Variants in PDE7A observed in about 807,000 individuals in gnomAD.
PDE7A encodes the protein high affinity 3',5'-cyclic-AMP phosphodiesterase 7A.
In PDE7A, 39 loss-of-function variants were observed where a neutral mutation model predicts 64.3. The observed-to-expected ratio is 0.61, with a 90% CI of 0.47 to 0.79. The LOEUF (loss-of-function observed/expected upper bound fraction) is 0.79. PDE7A is among the 30% of genes least tolerant of loss of function. The pLI is 0.00. For synonymous variants in PDE7A, 203 were observed against 206.8 expected (o/e 0.98, Z 0.16); for missense variants, 470 against 582.8 (o/e 0.81, Z 1.99).
At chr8:65,817,795 C>T (rs1157213694) in intron 1 of PDE7A, among the ~76,000 whole-genome samples, 4 of 148,944 alleles carry the variant, frequency 2.7e-5, no homozygotes, top group African/African-American at 9.9e-5. Flanking sequence ...CTCTGTCGCC[C>T]AGGCTGGAGT....
chr8:65,763,340 T>TG (rs1808605262), intron 3 of PDE7A, among the ~76,000 whole-genome samples: 1 of 151,500 alleles, frequency 6.6e-6, no homozygotes, highest in Non-Finnish European at 1.5e-5. Flanking sequence ...CTGAGGCGGG[T>TG]GGATCACCTG....
At chr8:65,816,085 G>C (rs1008039741) in intron 1 of PDE7A, among the ~76,000 whole-genome samples, 6 of 151,864 alleles carry the variant, frequency 4.0e-5, no homozygotes, top group Non-Finnish European at 8.8e-5. Flanking sequence ...ATGTTAACAT[G>C]TAATTGGTAT....
chr8:65,793,687 G>A (rs2128926570), intron 1 of PDE7A, among the ~76,000 whole-genome samples: 1 of 152,240 alleles, frequency 6.6e-6, no homozygotes, highest in Middle Eastern at 3.4e-3. Flanking sequence ...TGTCGACAGG[G>A]ATACAATATA....
intron 1 of PDE7A, among the ~76,000 whole-genome samples, chr8:65,821,798 T>C (rs1810547876): frequency 6.6e-6 from 1 of 152,252 alleles, no homozygotes; most frequent in Non-Finnish European, 1.5e-5. Flanking sequence ...TTTCTAATTT[T>C]GATTACATGT....
In PDE7A at chr8:65,734,772, G is replaced by A. The variant is rs200046342; in HGVS notation, c.696+22C>T. The A allele has an allele frequency of 3.7e-5, 50 of 1,336,330 alleles. No homozygotes were observed. In the African/African-American group the frequency reaches 6.3e-4, roughly 17 times the overall value. The allele number at this position is 1,336,330 out of a possible 1,614,324, so 82.8% of individuals were successfully genotyped here. Reference sequence around the variant, plus strand: ...AGGAATTTTCTTATGATTTTCACCTGAAATCAATGTCAACCTCTTACCTTA... The same window carrying A: ...AGGAATTTTCTTATGATTTTCACCTAAAATCAATGTCAACCTCTTACCTTA... On this transcript the variant is annotated intron_variant, in intron 7 of 12. Coordinates refer to ENST00000401827, the MANE Select transcript of PDE7A (RefSeq NM_001242318.3).
chr8:65,747,619 AAATT>A, intron 4 of PDE7A, 29 bp downstream of exon 4: 1 of 1,451,574 alleles, frequency 6.9e-7, no homozygotes, highest in Non-Finnish European at 9.5e-7. Context: ...ACTTATCAAA[AAATT>A]AATGTTTTCT....
chr8:65,719,646 A>C, intron 12 of PDE7A, 151 bp from the exon 13 acceptor site: 3 of 621,364 alleles, frequency 4.8e-6, no homozygotes, highest in Non-Finnish European at 8.5e-6. Context: ...TAGGTGACAG[A>C]GTCTGTAATG....
chr8:65,734,658 G>A (rs1807047410), intron 7 of PDE7A, 136 bp downstream of exon 7: 1 of 583,912 alleles, frequency 1.7e-6, no homozygotes, highest in South Asian at 2.4e-5. Flanking sequence ...TCAGAAACTT[G>A]ATCCAGCTAG....
chr8:65,808,745 G>C (rs923915309), intron 1 of PDE7A, among the ~76,000 whole-genome samples: 7 of 152,138 alleles, frequency 4.6e-5, no homozygotes, highest in Middle Eastern at 3.2e-3. Context: ...ATTTTTGTCC[G>C]TGAGCACAAG....
chr8:65,822,671 G>A (rs1810571393), intron 1 of PDE7A, among the ~76,000 whole-genome samples: 1 of 152,190 alleles, frequency 6.6e-6, no homozygotes, highest in Admixed American at 6.5e-5. Flanking sequence ...TGAAACCAGA[G>A]TTGGTTAATA....
chr8:65,837,012 C>A (rs945118988), intron 1 of PDE7A, among the ~76,000 whole-genome samples: 1 of 152,178 alleles, frequency 6.6e-6, no homozygotes, highest in African/African-American at 2.4e-5. Flanking sequence ...CTGATTTAAA[C>A]CAGAAATTTA....
At chr8:65,821,234 T>A (rs1810534745) in intron 1 of PDE7A, among the ~76,000 whole-genome samples, 1 of 151,962 alleles carries the variant, frequency 6.6e-6, no homozygotes, top group Non-Finnish European at 1.5e-5. Flanking sequence ...AAATAATGCC[T>A]CAATGCAAGG....
intron 1 of PDE7A, among the ~76,000 whole-genome samples, chr8:65,841,050 A>G (rs1174648761): frequency 6.6e-6 from 1 of 152,228 alleles, no homozygotes; most frequent in African/African-American, 2.4e-5. Context: ...TAAGGAATAA[A>G]GACTCAACTT....
chr8:65,780,363 T>C (rs1038302014), intron 2 of PDE7A, among the ~76,000 whole-genome samples: 1 of 152,200 alleles, frequency 6.6e-6, no homozygotes, highest in Non-Finnish European at 1.5e-5. Context: ...GTTAAAGACT[T>C]TGTTTTAAAG....
At chr8:65,793,463 A>T (rs937983244) in intron 1 of PDE7A, among the ~76,000 whole-genome samples, 1 of 147,056 alleles carries the variant, frequency 6.8e-6, no homozygotes, top group South Asian at 2.1e-4. Context: ...AAAACAATGA[A>T]AATAAGTTTT....
Position 65,723,640 on chromosome 8 carries a change from G to T in PDE7A, c.1163-19C>A. The T allele has an allele frequency of 6.7e-7, 1 of 1,487,038 alleles. No individual in the cohort carries two copies. The highest frequency in any genetic ancestry group is 9.1e-7 in the Non-Finnish European group (1 of 1,104,682). The allele number at this position is 1,487,038 out of a possible 1,614,324, so 92.1% of individuals were successfully genotyped here. On this transcript the variant is annotated intron_variant, in intron 11 of 12. Coordinates refer to ENST00000401827, the MANE Select transcript of PDE7A (RefSeq NM_001242318.3). ...ATATCTCCTATAAATTAAAAAAAGA[G>T]AAGTATTAATATGAAGAATATCTAT...
Position 65,724,340 on chromosome 8 carries a change from T to C in PDE7A, c.1077A>G (p.Lys359=). 1 of 1,611,356 alleles carries C rather than the reference T, an allele frequency of 6.2e-7. No homozygotes were observed. The highest frequency in any genetic ancestry group is 8.5e-7 in the Non-Finnish European group (1 of 1,177,896). The change falls in exon 11 of 13, where the codon AAA becomes AAG. Residue 359 remains lysine, a synonymous_variant. Transcript: ENST00000401827. ...GACATGGGTTACAAATATCAGCACA[T>C]TTCAAAGCCATCTAGCAAACAAAAC... is the stretch of plus-strand genomic sequence containing the variant. ...HRHLVLQMAL[K]CADICNPCRT...
Position 65,716,237 on chromosome 8 carries a change from G to A in PDE7A, c.*3053C>T, listed in dbSNP as rs1254059266. Reference sequence around the variant, plus strand: ...TTTCAATGGGTTTATTATATGTGTAGGCAGGAAATGGGAGCCACACCCACA... The same window carrying A: ...TTTCAATGGGTTTATTATATGTGTAAGCAGGAAATGGGAGCCACACCCACA... On this transcript the variant is annotated 3_prime_UTR_variant, in exon 13 of 13. Coordinates refer to ENST00000401827, the MANE Select transcript of PDE7A (RefSeq NM_001242318.3). Among the ~76,000 whole-genome samples, 4 of 151,858 alleles carry A rather than the reference G, an allele frequency of 2.6e-5. No homozygotes were observed. Among genetic ancestry groups the A allele is most frequent in the Non-Finnish European group, 5.9e-5 (4 of 67,990 alleles).
rs781502166 is a variant in PDE7A at position 65,724,066 on chromosome 8, AAG to A, written c.1162+187_1162+188del. ...GCATAAATACATCTGATCATTCCAAAAGAGGACTTCTAATTTTCAAAACAGAT... is the reference window on the plus strand; with the variant it reads ...GCATAAATACATCTGATCATTCCAAAAGGACTTCTAATTTTCAAAACAGAT... On this transcript the variant is annotated intron_variant, in intron 11 of 12. Coordinates refer to ENST00000401827, the MANE Select transcript of PDE7A (RefSeq NM_001242318.3). Among the ~76,000 whole-genome samples, 58 of 152,214 alleles carry A rather than the reference AAG, an allele frequency of 3.8e-4. 1 individual carries two copies. The highest frequency in any genetic ancestry group is 1.8e-4 in the Non-Finnish European group (12 of 68,016).
Sources: allele counts gnomAD v4.1 joint callset (sites outside exome capture counted in the v4.1 genomes callset), GRCh38; gene constraint gnomAD v4.1.1; transcripts MANE v1.5; gene names NCBI Gene and HGNC (gene_info 2026-07-23, HGNC 2026-07-21).